SNTG1: variants seen among roughly 807,000 people sequenced by gnomAD.
The protein encoded by SNTG1 is gamma-1-syntrophin.
In SNTG1, 39 loss-of-function variants were observed where a neutral mutation model predicts 74.7. The observed-to-expected ratio is 0.52, with a 90% CI of 0.40 to 0.68. SNTG1 has a LOEUF of 0.68. SNTG1 is among the 30% of genes least tolerant of loss of function. The probability of loss-of-function intolerance (pLI) is 0.00; values close to 1 mark genes in which losing one functional copy is unlikely to be tolerated. For synonymous variants in SNTG1, 254 were observed against 217.1 expected (o/e 1.17, Z -1.49); for missense variants, 685 against 609.5 (o/e 1.12, Z -1.30).
At chr8:50,500,051 T>G (rs1459613812) in intron 8 of SNTG1, among the ~76,000 whole-genome samples, 1 of 151,920 alleles carries the variant, frequency 6.6e-6, no homozygotes. Flanking sequence ...TTTGGCAGGA[T>G]TCTTTTGAGG....
chr8:50,369,727 G>T (rs2092222067), intron 2 of SNTG1, among the ~76,000 whole-genome samples: 1 of 152,128 alleles, frequency 6.6e-6, no homozygotes, highest in Non-Finnish European at 1.5e-5. Context: ...AAGCCCACTG[G>T]AACTTGATCT....
chr8:50,075,682 G>C (rs1156964263), intron 1 of SNTG1, among the ~76,000 whole-genome samples: 1 of 152,116 alleles, frequency 6.6e-6, no homozygotes, highest in African/African-American at 2.4e-5. Context: ...CTCACTCTTT[G>C]GGTCCGTACT....
At chr8:50,418,724 A>T (rs2093044346) in intron 4 of SNTG1, among the ~76,000 whole-genome samples, 1 of 152,088 alleles carries the variant, frequency 6.6e-6, no homozygotes, top group African/African-American at 2.4e-5. Context: ...TGTTAGGCAA[A>T]CTAAACTCTT....
chr8:50,064,048 T>C (rs1266293677), intron 1 of SNTG1, among the ~76,000 whole-genome samples: 1 of 152,206 alleles, frequency 6.6e-6, no homozygotes, highest in Non-Finnish European at 1.5e-5. Context: ...TCTTCTCATA[T>C]GTAAAATGGT....
intron 2 of SNTG1, among the ~76,000 whole-genome samples, chr8:50,341,951 C>T (rs117013567): frequency 6.6e-6 from 1 of 152,066 alleles, no homozygotes; most frequent in East Asian, 1.9e-4. Context: ...TGTATGATTG[C>T]CTATTTCCAT....
intron 4 of SNTG1, among the ~76,000 whole-genome samples, chr8:50,426,252 G>A (rs1467096387): frequency 6.6e-6 from 1 of 152,092 alleles, no homozygotes. Flanking sequence ...CCTCTTGTCT[G>A]TGACACTGTA....
At chr8:50,093,285 C>A (rs938640825) in intron 1 of SNTG1, among the ~76,000 whole-genome samples, 1 of 152,110 alleles carries the variant, frequency 6.6e-6, no homozygotes, top group African/African-American at 2.4e-5. Flanking sequence ...CAATTACAAT[C>A]TTACTGAGAT....
intron 12 of SNTG1, among the ~76,000 whole-genome samples, chr8:50,582,579 G>T (rs1430461037): frequency 6.6e-6 from 1 of 151,892 alleles, no homozygotes; most frequent in Non-Finnish European, 1.5e-5. Context: ...GCATCTGAAA[G>T]TATCATCCTG....
intron 1 of SNTG1, among the ~76,000 whole-genome samples, chr8:50,113,925 T>C (rs1586333892): frequency 1.4e-5 from 1 of 70,724 alleles, no homozygotes; most frequent in Admixed American, 1.3e-4. Context: ...AATATACAAA[T>C]AAATAAATAA....
At chr8:50,338,102 C>G (rs2091208423) in intron 2 of SNTG1, among the ~76,000 whole-genome samples, 2 of 151,484 alleles carry the variant, frequency 1.3e-5, no homozygotes, top group Non-Finnish European at 2.9e-5. Flanking sequence ...CGCCTGCACT[C>G]CAGACTGGGC....
chr8:50,510,147 G>A (rs1482938065), intron 9 of SNTG1, among the ~76,000 whole-genome samples: 1 of 152,154 alleles, frequency 6.6e-6, no homozygotes, highest in East Asian at 1.9e-4. Flanking sequence ...TTTGTCAAAG[G>A]CCTTTTTTGC....
intron 2 of SNTG1, among the ~76,000 whole-genome samples, chr8:50,337,219 C>T (rs2091171523): frequency 6.6e-6 from 1 of 152,128 alleles, no homozygotes; most frequent in Admixed American, 6.5e-5. Context: ...CAGAGAAAAC[C>T]ACCACGCCTA....
intron 1 of SNTG1, among the ~76,000 whole-genome samples, chr8:49,974,556 T>C (rs1375310355): frequency 6.6e-6 from 1 of 152,166 alleles, no homozygotes; most frequent in Non-Finnish European, 1.5e-5. Flanking sequence ...TTTGGTGTCA[T>C]AAGAGAGCCC....
intron 4 of SNTG1, among the ~76,000 whole-genome samples, chr8:50,430,608 C>A (rs72642365): frequency 6.6e-6 from 1 of 152,110 alleles, no homozygotes; most frequent in East Asian, 1.9e-4. Flanking sequence ...ACAGACAAAT[C>A]GACTTTGTTC....
chr8:50,499,758 T>C (rs12548583), intron 8 of SNTG1, among the ~76,000 whole-genome samples: 35,109 of 151,810 alleles, frequency 0.23, 5,423 homozygotes, highest in Non-Finnish European at 0.34. Flanking sequence ...ATTTTGAATA[T>C]TGACAAATAT....
chr8:50,208,002 G>C (rs1350148461), intron 2 of SNTG1, among the ~76,000 whole-genome samples: 1 of 152,154 alleles, frequency 6.6e-6, no homozygotes, highest in East Asian at 1.9e-4. Context: ...GGTCAATTTT[G>C]AAATAAGTGA....
intron 1 of SNTG1, among the ~76,000 whole-genome samples, chr8:50,138,839 T>C (rs1006925604): frequency 1.3e-5 from 2 of 151,986 alleles, no homozygotes; most frequent in African/African-American, 2.4e-5. Flanking sequence ...GGTAGGATTA[T>C]TGCATATTTT....
chr8:50,135,310 A>G (rs886209322), intron 1 of SNTG1, among the ~76,000 whole-genome samples: 3 of 152,222 alleles, frequency 2.0e-5, no homozygotes, highest in Admixed American at 6.5e-5. Flanking sequence ...TTAACATTCC[A>G]TCATGTGGTA....
chr8:50,037,799 T>C (rs554739178), intron 1 of SNTG1, among the ~76,000 whole-genome samples: 1 of 152,180 alleles, frequency 6.6e-6, no homozygotes, highest in Non-Finnish European at 1.5e-5. Context: ...AAGCCAGGGA[T>C]ATGGTAAATA....
Sources: gnomAD v4.1 joint callset for allele counts (sites outside exome capture counted in the v4.1 genomes callset) on GRCh38, gnomAD v4.1.1 for gene constraint, MANE v1.5 for transcripts, NCBI Gene and HGNC (gene_info 2026-07-23, HGNC 2026-07-21) for gene names.